TMPRSS15: variants seen among roughly 807,000 people sequenced by gnomAD.
TMPRSS15 encodes transmembrane serine protease 15.
Under a neutral mutation model 125.3 loss-of-function variants are expected in TMPRSS15, and 128 were observed. The ratio of observed to expected loss-of-function variants is 1.02; its 90% CI spans 0.89 to 1.18. The LOEUF is 1.18. TMPRSS15 is among the 50% of genes most tolerant of loss of function. The pLI is 0.00. For synonymous variants in TMPRSS15, 446 were observed against 423.2 expected, an observed-to-expected ratio of 1.05 and a Z score of -0.66; for missense variants, 1,283 against 1,212.7, an observed-to-expected ratio of 1.06 and a Z score of -0.86.
At chr21:18,402,031 TTTG>T (rs1382276045) in intron 1 of TMPRSS15, among the ~76,000 whole-genome samples, 6 of 152,202 alleles carry the variant, frequency 3.9e-5, no homozygotes, top group African/African-American at 1.4e-4. Flanking sequence ...ATTTTAGTAC[TTTG>T]TATAATTTTA....
In TMPRSS15 at chr21:18,456,453, G is replaced by C. The variant is rs114001493; in HGVS notation, c.10+29346C>G. The stretch of plus-strand genomic sequence containing the variant: ...CATACACACAAAGCCCACTTATTTT[G>C]CCAGTTACATTTCTCAATATTCAGG... On this transcript the variant is annotated intron_variant, in intron 1 of 7. Coordinates refer to the TMPRSS15 transcript ENST00000422787. Among the ~76,000 whole-genome samples the C allele has an allele frequency of 7.7e-3, 1,166 of 152,082 alleles. 16 individuals are homozygous for C. The highest frequency in any genetic ancestry group is 0.027 in the African/African-American group (1,112 of 41,526).
intron 16 of TMPRSS15, among the ~76,000 whole-genome samples, chr21:18,317,781 TCCCATCCCATCCCATCCCATCCCATCCC>T (rs2075183451): frequency 9.7e-6 from 1 of 102,968 alleles, no homozygotes. Context: ...TCCCATCCCA[TCCCATCCCATCCCATCCCATCCCATCCC>T]ATCCCATTCT....
At chr21:18,304,556 T>G (rs1413395836) in intron 18 of TMPRSS15, among the ~76,000 whole-genome samples, 1 of 152,182 alleles carries the variant, frequency 6.6e-6, no homozygotes, top group African/African-American at 2.4e-5. Flanking sequence ...TTTACTAACT[T>G]TAATCTCTTC....
intron 1 of TMPRSS15, among the ~76,000 whole-genome samples, chr21:18,422,001 T>TC (rs1379466855): frequency 6.6e-6 from 1 of 150,814 alleles, no homozygotes; most frequent in Admixed American, 6.6e-5. Context: ...TTTTTTTTTT[T>TC]CAGACTACGT....
chr21:18,407,969 T>C (rs1425975372), upstream of TMPRSS15, among the ~76,000 whole-genome samples: 2 of 152,154 alleles, frequency 1.3e-5, no homozygotes, highest in Non-Finnish European at 2.9e-5. Context: ...ATATTCTGGT[T>C]AGGTGAATAA....
intron 3 of TMPRSS15, among the ~76,000 whole-genome samples, chr21:18,394,114 T>C (rs1368945564): frequency 2.0e-5 from 3 of 152,180 alleles, no homozygotes; most frequent in Admixed American, 6.5e-5. Context: ...GTTTTGCCTA[T>C]TTTTTGAAGT....
chr21:18,447,319 A>G (rs1186835644), intron 1 of TMPRSS15, among the ~76,000 whole-genome samples: 3 of 151,756 alleles, frequency 2.0e-5, no homozygotes, highest in African/African-American at 2.4e-5. Flanking sequence ...GGGTGCCTAT[A>G]ACCTCAGCTA....
intron 21 of TMPRSS15, among the ~76,000 whole-genome samples, chr21:18,287,047 TATC>T (rs1476192132): frequency 1.3e-5 from 2 of 152,228 alleles, no homozygotes; most frequent in African/African-American, 4.8e-5. Context: ...TTCTTGCTCT[TATC>T]ATATTTTCTG....
At chr21:18,402,728 G>C (rs949273855) in intron 1 of TMPRSS15, among the ~76,000 whole-genome samples, 2 of 152,110 alleles carry the variant, frequency 1.3e-5, no homozygotes, top group African/African-American at 4.8e-5. Flanking sequence ...GGATTGTCTA[G>C]TTTGGAATCT....
chr21:18,294,588 A>T lies in TMPRSS15; in HGVS notation c.2311+15T>A, dbSNP rs768391912. On this transcript the variant is annotated intron_variant, in intron 20 of 24. Coordinates refer to ENST00000284885, the MANE Select transcript of TMPRSS15 (RefSeq NM_002772.3). Reference sequence around the variant, plus strand: ...CAGAATGCTTGAAGTGGGATATGACAACATATTTACTTACATTTATGGTTA... The same window carrying T: ...CAGAATGCTTGAAGTGGGATATGACTACATATTTACTTACATTTATGGTTA... 6.2e-7 allele frequency: 1 copy of T among 1,609,984 alleles called. No individual in the cohort carries two copies. Among genetic ancestry groups the T allele is most frequent in the Non-Finnish European group, 8.5e-7 (1 of 1,176,192 alleles).
At chr21:18,442,898 G>A (rs574135297) in intron 1 of TMPRSS15, among the ~76,000 whole-genome samples, 5 of 152,184 alleles carry the variant, frequency 3.3e-5, no homozygotes, top group Admixed American at 6.5e-5. Context: ...AAATCAGTTC[G>A]GGGTACCATA....
intron 21 of TMPRSS15, among the ~76,000 whole-genome samples, chr21:18,283,391 C>T (rs1339096008): frequency 6.6e-6 from 1 of 152,016 alleles, no homozygotes; most frequent in Non-Finnish European, 1.5e-5. Flanking sequence ...ATTTACCTCA[C>T]ACATTCACTC....
chr21:18,435,087 T>A (rs1458861440), intron 1 of TMPRSS15, among the ~76,000 whole-genome samples: 1 of 152,124 alleles, frequency 6.6e-6, no homozygotes, highest in Non-Finnish European at 1.5e-5. Context: ...CCAATTTTTT[T>A]TACAAAAGAT....
At chr21:18,347,177 T>A (rs2075517764) in intron 10 of TMPRSS15, among the ~76,000 whole-genome samples, 1 of 152,166 alleles carries the variant, frequency 6.6e-6, no homozygotes, top group Non-Finnish European at 1.5e-5. Context: ...AACCACTTTT[T>A]CTTTTGAATT....
At chr21:18,404,882 T>C (rs1283100081), upstream of TMPRSS15, among the ~76,000 whole-genome samples, 2 of 151,982 alleles carry the variant, frequency 1.3e-5, no homozygotes, top group African/African-American at 4.8e-5. Flanking sequence ...TCATTGAAAA[T>C]ATTTATATTT....
intron 3 of TMPRSS15, among the ~76,000 whole-genome samples, chr21:18,397,270 C>T (rs1341479760): frequency 1.3e-5 from 2 of 152,214 alleles, no homozygotes; most frequent in Non-Finnish European, 2.9e-5. Context: ...GCAACAACAA[C>T]ACACAGGTCA....
At chr21:18,276,339 C>G (rs2074619630) in intron 23 of TMPRSS15, among the ~76,000 whole-genome samples, 1 of 152,154 alleles carries the variant, frequency 6.6e-6, no homozygotes, top group Non-Finnish European at 1.5e-5. Flanking sequence ...CTGATGTAAA[C>G]ACTTCCACAA....
intron 1 of TMPRSS15, among the ~76,000 whole-genome samples, chr21:18,451,008 CAATT>C (rs35723924): frequency 0.29 from 43,642 of 151,836 alleles, 8,094 homozygotes; most frequent in Middle Eastern, 0.47. Flanking sequence ...AGATAATCCA[CAATT>C]AATCACTGGC....
At chr21:18,412,823 C>T (rs137909530) in intron 1 of TMPRSS15, among the ~76,000 whole-genome samples, 36 of 152,122 alleles carry the variant, frequency 2.4e-4, no homozygotes, top group Non-Finnish European at 3.7e-4. Context: ...CATTTTTTTA[C>T]GACAGGGAAG....
Sources: gnomAD v4.1 joint callset for allele counts (sites outside exome capture counted in the v4.1 genomes callset) on GRCh38, gnomAD v4.1.1 for gene constraint, MANE v1.5 for transcripts, NCBI Gene and HGNC (gene_info 2026-07-23, HGNC 2026-07-21) for gene names.